Variants in CNTNAP2 observed in about 807,000 individuals in gnomAD.
CNTNAP2 encodes the protein contactin associated protein 2.
CNTNAP2 carries 98 observed loss-of-function variants against 155.2 expected under a neutral mutation model. The observed-to-expected ratio is 0.63, with a 90% confidence interval of 0.54 to 0.75. The LOEUF is 0.75. Ranked by LOEUF, CNTNAP2 falls within the 30% of genes least tolerant of loss-of-function variation. The probability of loss-of-function intolerance (pLI) is 0.00; values close to 1 mark genes in which losing one functional copy is unlikely to be tolerated. For synonymous variants in CNTNAP2, 651 were observed against 631.2 expected (o/e 1.03, Z -0.47); for missense variants, 1,727 against 1,688.1 (o/e 1.02, Z -0.40).
chr7:148,063,226 T>G (rs1221587864), intron 15 of CNTNAP2, among the ~76,000 whole-genome samples: 3 of 152,128 alleles, frequency 2.0e-5, no homozygotes, highest in African/African-American at 7.2e-5. Flanking sequence ...TTGATATGTT[T>G]GCTCCTTTAT....
chr7:147,619,658 A>G (rs1801356106), intron 12 of CNTNAP2, among the ~76,000 whole-genome samples: 1 of 152,248 alleles, frequency 6.6e-6, no homozygotes, highest in African/African-American at 2.4e-5. Context: ...GCTCAGCCAC[A>G]GTACAACAGA....
At chr7:147,663,020 AC>A (rs1795638637) in intron 13 of CNTNAP2, among the ~76,000 whole-genome samples, 1 of 151,736 alleles carries the variant, frequency 6.6e-6, no homozygotes, top group Non-Finnish European at 1.5e-5. Context: ...TGTTTTTGAG[AC>A]CGAGTCTCGC....
At chr7:146,369,790 A>AT (rs1440955451) in intron 1 of CNTNAP2, among the ~76,000 whole-genome samples, 1 of 152,014 alleles carries the variant, frequency 6.6e-6, no homozygotes, top group Non-Finnish European at 1.5e-5. Context: ...AGAAAATAAT[A>AT]TTTTTATAAT....
intron 22 of CNTNAP2, among the ~76,000 whole-genome samples, chr7:148,388,386 C>T (rs1799266265): frequency 6.7e-6 from 1 of 148,318 alleles, no homozygotes. Context: ...TGAGTGAGAA[C>T]ATGCGGTGTT....
At chr7:148,407,021 T>G (rs1164786452) in intron 22 of CNTNAP2, among the ~76,000 whole-genome samples, 1 of 152,344 alleles carries the variant, frequency 6.6e-6, no homozygotes, top group African/African-American at 2.4e-5. Context: ...TCACTGTATA[T>G]CCTCAGCACT....
Position 148,420,639 on chromosome 7 carries a change from G to A in CNTNAP2, c.*5023G>A, listed in dbSNP as rs948974877. 10 of 152,412 alleles carry A rather than the reference G, an allele frequency of 6.6e-5. No homozygotes were observed. The highest frequency in any genetic ancestry group is 4.1e-4 in the South Asian group (2 of 4,824). The allele number at this position is 152,412 out of a possible 1,614,324, so 9.4% of individuals were successfully genotyped here. On this transcript the variant is annotated 3_prime_UTR_variant, in exon 24 of 24. Transcript: ENST00000361727. The stretch of plus-strand genomic sequence containing the variant: ...TTAATTTACAGCAACTGCTGCTTTC[G>A]GAGATGGCTGTGAAAATATGGAAGT...
chr7:146,979,216 A>T (rs1013266844), intron 3 of CNTNAP2, among the ~76,000 whole-genome samples: 14 of 152,024 alleles, frequency 9.2e-5, no homozygotes, highest in Admixed American at 7.9e-4. Flanking sequence ...AAAACCTCTA[A>T]AATCCACATT....
chr7:147,594,090 C>T (rs1002009244), intron 12 of CNTNAP2, among the ~76,000 whole-genome samples: 2 of 149,942 alleles, frequency 1.3e-5, no homozygotes, highest in Admixed American at 1.3e-4. Flanking sequence ...CCAACATTTG[C>T]AAGGCAAGAG....
intron 1 of CNTNAP2, among the ~76,000 whole-genome samples, chr7:146,517,156 A>G (rs118133370): frequency 0.032 from 4,838 of 152,098 alleles, 118 homozygotes; most frequent in Non-Finnish European, 0.046. Flanking sequence ...TCCACACTGT[A>G]CAGGCCACCT....
chr7:148,316,286 T>A (rs1338867866), intron 21 of CNTNAP2, among the ~76,000 whole-genome samples: 1 of 151,826 alleles, frequency 6.6e-6, no homozygotes, highest in African/African-American at 2.4e-5. Context: ...CATGTATACA[T>A]ATGTAACAAA....
chr7:147,126,247 G>A (rs376491619), intron 6 of CNTNAP2, among the ~76,000 whole-genome samples: 2 of 152,196 alleles, frequency 1.3e-5, no homozygotes, highest in African/African-American at 4.8e-5. Flanking sequence ...TAGTCCCTGC[G>A]ACATTTTGTG....
At chr7:147,801,581 C>T (rs1797986939) in intron 13 of CNTNAP2, among the ~76,000 whole-genome samples, 1 of 151,850 alleles carries the variant, frequency 6.6e-6, no homozygotes. Flanking sequence ...TTGCACCGCC[C>T]TTAATCCATT....
At chr7:147,685,902 G>A (rs974833582) in intron 13 of CNTNAP2, among the ~76,000 whole-genome samples, 1 of 151,888 alleles carries the variant, frequency 6.6e-6, no homozygotes, top group South Asian at 2.1e-4. Context: ...ATTTGCTGGG[G>A]AAGAGCACGG....
At chr7:148,176,614 T>A (rs574729896) in intron 18 of CNTNAP2, among the ~76,000 whole-genome samples, 1 of 152,258 alleles carries the variant, frequency 6.6e-6, no homozygotes, top group Admixed American at 6.5e-5. Flanking sequence ...GAGTGCTGAC[T>A]GGGGAATATT....
At chr7:147,631,487 G>T (rs1255121734) in intron 12 of CNTNAP2, among the ~76,000 whole-genome samples, 3 of 151,976 alleles carry the variant, frequency 2.0e-5, no homozygotes, top group Non-Finnish European at 2.9e-5. Flanking sequence ...CAATCCTAAA[G>T]TTCATATGAA....
intron 14 of CNTNAP2, among the ~76,000 whole-genome samples, chr7:147,971,662 G>A (rs1801337175): frequency 6.6e-6 from 1 of 151,980 alleles, no homozygotes; most frequent in East Asian, 1.9e-4. Flanking sequence ...ATATTTCATT[G>A]TATGTATTAC....
At chr7:147,599,034 G>A (rs1021347097) in intron 12 of CNTNAP2, among the ~76,000 whole-genome samples, 3 of 152,118 alleles carry the variant, frequency 2.0e-5, no homozygotes, top group Admixed American at 6.5e-5. Context: ...TTAGCAGCTC[G>A]AGAATGAACT....
intron 1 of CNTNAP2, among the ~76,000 whole-genome samples, chr7:146,643,197 C>G (rs201429205): frequency 0.15 from 22,417 of 146,622 alleles, 2,020 homozygotes; most frequent in East Asian, 0.45. Flanking sequence ...GCTTTTGTTG[C>G]CATTGCTTTT....
chr7:146,217,407 T>G (rs1367629963), intron 1 of CNTNAP2, among the ~76,000 whole-genome samples: 1 of 152,164 alleles, frequency 6.6e-6, no homozygotes, highest in Non-Finnish European at 1.5e-5. Context: ...CACATGCAGG[T>G]TTGTTATACA....
Sources: gnomAD v4.1 joint callset for allele counts (sites outside exome capture counted in the v4.1 genomes callset) on GRCh38, gnomAD v4.1.1 for gene constraint, MANE v1.5 for transcripts, NCBI Gene and HGNC (gene_info 2026-07-23, HGNC 2026-07-21) for gene names.